Variants in AGAP1 observed in about 807,000 individuals in gnomAD.
AGAP1 encodes arf-GAP with GTPase, ANK repeat and PH domain-containing protein 1.
AGAP1 carries 29 observed loss-of-function variants against 105.3 expected under a neutral mutation model. The observed-to-expected ratio is 0.28, with a 90% CI of 0.21 to 0.38. The LOEUF (loss-of-function observed/expected upper bound fraction) is 0.38. AGAP1 is among the 10% of genes least tolerant of loss of function. The pLI, the probability that AGAP1 is intolerant of heterozygous loss-of-function variation, is 1.00. For synonymous variants in AGAP1, 509 were observed against 485.9 expected (o/e 1.05, Z -0.63); for missense variants, 998 against 1,165.1 (o/e 0.86, Z 2.09).
chr2:235,933,980 C>T (rs1476524514), intron 12 of AGAP1, among the ~76,000 whole-genome samples: 2 of 152,230 alleles, frequency 1.3e-5, no homozygotes, highest in African/African-American at 4.8e-5. Context: ...CTGCCTTCTA[C>T]AGGGGCTGCC....
Position 235,744,637 on chromosome 2 carries a change from T to C in AGAP1, c.397-61T>C, listed in dbSNP as rs567678877. 1.9e-4 allele frequency: 312 copies of C among 1,604,306 alleles called. 1 individual carries two copies. In the South Asian group the frequency reaches 3.1e-3, roughly 16 times the overall value. On this transcript the variant is annotated intron_variant, in intron 4 of 17. Transcript: ENST00000304032. This position sits in a 1 kb window ranked among gnomAD's most constrained non-coding sequence, Gnocchi z 5.2. ...TGCTGCCTGCCGCCATGCAGACATC[T>C]CTGTTCTTAATCAAGCCTGCTCACT...
chr2:235,764,040 C>T (rs1488951327), intron 6 of AGAP1, among the ~76,000 whole-genome samples: 5 of 152,018 alleles, frequency 3.3e-5, no homozygotes, highest in East Asian at 1.9e-4. Flanking sequence ...TTGGCCCGTG[C>T]GTGGCTCCGG....
rs1951392568 is a variant in AGAP1 at position 235,721,663 on chromosome 2, G to A, written c.310+4019G>A. Among the ~76,000 whole-genome samples the A allele has an allele frequency of 6.6e-6, 1 of 152,214 alleles. No homozygotes were observed. Among genetic ancestry groups the A allele is most frequent in the African/African-American group, 2.4e-5 (1 of 41,448 alleles). ...GGTTGGTTCCTTCTGCAGCTTAGAG[G>A]TTGAATCTGTTCTATGTCTGTGCGG... On this transcript the variant is annotated intron_variant, in intron 3 of 17. Transcript: ENST00000304032. This position sits in a 1 kb window ranked among gnomAD's most constrained non-coding sequence, Gnocchi z 4.5.
At chr2:235,899,235 G>A (rs781303107) in intron 10 of AGAP1, among the ~76,000 whole-genome samples, 8 of 152,156 alleles carry the variant, frequency 5.3e-5, no homozygotes, top group South Asian at 4.1e-4. Context: ...CTGTTTGGCC[G>A]GGCGCGGTGG....
intron 16 of AGAP1, among the ~76,000 whole-genome samples, chr2:236,117,922 G>T (rs3729571): frequency 1.3e-5 from 2 of 151,940 alleles, no homozygotes; most frequent in African/African-American, 2.4e-5. Context: ...CTGCATTTGT[G>T]GGGGCCGGTG....
At chr2:235,528,369 CT>C (rs1237996648) in intron 1 of AGAP1, among the ~76,000 whole-genome samples, 2 of 150,724 alleles carry the variant, frequency 1.3e-5, no homozygotes, top group Non-Finnish European at 3.0e-5. Flanking sequence ...CCCCCGCCCC[CT>C]CCCCTCCCAC....
chr2:235,708,136 T>C (rs1339259256), intron 1 of AGAP1, among the ~76,000 whole-genome samples: 1 of 152,254 alleles, frequency 6.6e-6, no homozygotes, highest in African/African-American at 2.4e-5. Context: ...TTCTTAACTT[T>C]TAGGCATCTT....
Position 235,494,059 on chromosome 2 carries a change from G to T in AGAP1, c.-628G>T. ...ACGTGGGCCGGAGCCCTGCGTGCCAGGGAGGGGGCCGGCCGGGCAGGCGGC... is the reference window on the plus strand; with the variant it reads ...ACGTGGGCCGGAGCCCTGCGTGCCATGGAGGGGGCCGGCCGGGCAGGCGGC... On this transcript the variant is annotated 5_prime_UTR_variant, in exon 1 of 18. It adds an upstream start codon to the 5' untranslated region. Coordinates refer to ENST00000304032, the MANE Select transcript of AGAP1 (RefSeq NM_001037131.3). The T allele has an allele frequency of 6.8e-6, 1 of 146,630 alleles. No individual in the cohort carries two copies. The highest frequency in any genetic ancestry group is 1.8e-4 in the South Asian group (1 of 5,620). The allele number at this position is 146,630 out of a possible 1,614,324, so 9.1% of individuals were successfully genotyped here.
At position 235,887,675 on chromosome 2, in the gene AGAP1, A is replaced by T. The variant is rs1479788575; in HGVS notation, c.1155+4226A>T. 1.3e-5 allele frequency among the ~76,000 whole-genome samples: 2 copies of T among 152,192 alleles called. No homozygotes were observed. The highest frequency in any genetic ancestry group is 2.9e-5 in the Non-Finnish European group (2 of 68,032). On this transcript the variant is annotated intron_variant, in intron 10 of 17. Coordinates refer to ENST00000304032, the MANE Select transcript of AGAP1 (RefSeq NM_001037131.3). This position sits in a 1 kb window ranked among gnomAD's most constrained non-coding sequence, Gnocchi z 4.1. ...TTTTCCACAGAGCCCAGGAAAAAAA[A>T]TCCCGGCCAAACCATCAGATATTTT...
At chr2:235,785,730 C>A (rs1199290390) in intron 6 of AGAP1, among the ~76,000 whole-genome samples, 2 of 152,044 alleles carry the variant, frequency 1.3e-5, no homozygotes, top group African/African-American at 4.8e-5. Context: ...GTTGGTGGTA[C>A]CTTTTTCTCT....
At chr2:235,803,007 G>A (rs140026761) in intron 8 of AGAP1, among the ~76,000 whole-genome samples, 9 of 7,720 alleles carry the variant, frequency 1.2e-3, no homozygotes, top group Admixed American at 3.8e-3. Flanking sequence ...GGTGATGGTT[G>A]TGGTTGTGAT....
In AGAP1 at chr2:235,595,062, G is replaced by A. The variant is rs191120605; in HGVS notation, c.163+100213G>A. Among the ~76,000 whole-genome samples, 20 of 152,228 alleles carry A rather than the reference G, an allele frequency of 1.3e-4. No homozygotes were observed. In the East Asian group the frequency reaches 2.1e-3, roughly 16 times the overall value. Reference sequence around the variant, plus strand: ...ATGACCCAGGTGAGGCGGGTGTGGCGCCAGAGGGGCCTGTTGCAGACCTGA... The same window carrying A: ...ATGACCCAGGTGAGGCGGGTGTGGCACCAGAGGGGCCTGTTGCAGACCTGA... On this transcript the variant is annotated intron_variant, in intron 1 of 17. Transcript: ENST00000304032.
intron 1 of AGAP1, among the ~76,000 whole-genome samples, chr2:235,579,691 G>A (rs972418660): frequency 6.6e-6 from 1 of 151,944 alleles, no homozygotes; most frequent in African/African-American, 2.4e-5. Flanking sequence ...CAGGAGAATG[G>A]CGTGAACCCA....
At chr2:236,106,608 A>G (rs1434593470) in intron 16 of AGAP1, among the ~76,000 whole-genome samples, 3 of 152,194 alleles carry the variant, frequency 2.0e-5, no homozygotes, top group African/African-American at 4.8e-5. Flanking sequence ...ACGTAAGCCA[A>G]TTCTTTCATT....
chr2:235,533,798 G>C (rs1472173355), intron 1 of AGAP1, among the ~76,000 whole-genome samples: 1 of 152,222 alleles, frequency 6.6e-6, no homozygotes, highest in Non-Finnish European at 1.5e-5. Flanking sequence ...CCAGGAGCTG[G>C]ACCCCTCCCC....
At chr2:235,884,023 G>GGGAAGAAATGC (rs1313138192) in intron 10 of AGAP1, among the ~76,000 whole-genome samples, 1 of 152,038 alleles carries the variant, frequency 6.6e-6, no homozygotes, top group Non-Finnish European at 1.5e-5. Context: ...TTTATTCTTG[G>GGGAAGAAATGC]GGAAGAAATG....
chr2:235,618,852 G>C (rs886633137), intron 1 of AGAP1, among the ~76,000 whole-genome samples: 1 of 152,114 alleles, frequency 6.6e-6, no homozygotes, highest in African/African-American at 2.4e-5. Flanking sequence ...ACCTTCTGTT[G>C]GCAAAAGAAA....
At position 235,893,574 on chromosome 2, in the gene AGAP1, G is replaced by A. The variant is rs373513468; in HGVS notation, c.1155+10125G>A. ...TGTGCCGTGTCCATCATGAGGGTGC[G>A]CCGTGTCCGTCATGCAGATGTGCCT... On this transcript the variant is annotated intron_variant, in intron 10 of 17. Transcript: ENST00000304032. The surrounding 1 kb of genome is among the most constrained non-coding windows in gnomAD (Gnocchi z 4.7). Among the ~76,000 whole-genome samples the A allele has an allele frequency of 1.3e-5, 2 of 152,252 alleles. No homozygotes were observed. Among genetic ancestry groups the A allele is most frequent in the South Asian group, 2.1e-4 (1 of 4,818 alleles).
At chr2:235,828,195 G>T (rs988896283) in intron 9 of AGAP1, among the ~76,000 whole-genome samples, 5 of 152,194 alleles carry the variant, frequency 3.3e-5, no homozygotes, top group Non-Finnish European at 7.3e-5. Context: ...GGAAGAGGAA[G>T]TATTTTGAAC....
Sources: gnomAD v4.1 joint callset for allele counts (sites outside exome capture counted in the v4.1 genomes callset) on GRCh38, gnomAD v4.1.1 for gene constraint, Gnocchi (gnomAD v3.1) non-coding constraint, MANE v1.5 for transcripts, NCBI Gene and HGNC (gene_info 2026-07-23, HGNC 2026-07-21) for gene names.